Variants in LSAMP observed in about 807,000 individuals in gnomAD.
The protein encoded by LSAMP is limbic system associated membrane protein.
Under a neutral mutation model 38.6 loss-of-function variants are expected in LSAMP, and 7 were observed. The ratio of observed to expected loss-of-function variants is 0.18; its 90% CI spans 0.10 to 0.34. LSAMP has a LOEUF of 0.34. Ranked by LOEUF, LSAMP falls within the 10% of genes least tolerant of loss-of-function variation. The pLI is 1.00. For synonymous variants in LSAMP, 154 were observed against 166.8 expected, an observed-to-expected ratio of 0.92 and a Z score of 0.59; for missense variants, 313 against 420.0, an observed-to-expected ratio of 0.75 and a Z score of 2.23.
chr3:115,914,859 T>C (rs1164926161), intron 3 of LSAMP, among the ~76,000 whole-genome samples: 1 of 152,226 alleles, frequency 6.6e-6, no homozygotes, highest in Non-Finnish European at 1.5e-5. Context: ...TTCCTGACTT[T>C]TTAGGATTCT....
At chr3:116,308,366 T>C (rs576136630) in intron 1 of LSAMP, among the ~76,000 whole-genome samples, 19 of 152,110 alleles carry the variant, frequency 1.2e-4, no homozygotes, top group African/African-American at 4.3e-4. Flanking sequence ...TCCTCAAAAT[T>C]AGAGGGCATG....
intron 1 of LSAMP, among the ~76,000 whole-genome samples, chr3:116,202,928 C>A (rs1231833670): frequency 6.6e-6 from 1 of 152,168 alleles, no homozygotes; most frequent in Non-Finnish European, 1.5e-5. Flanking sequence ...GGAAAGGACA[C>A]ATAGAAATGT....
At chr3:116,137,971 A>T (rs987835486) in intron 1 of LSAMP, among the ~76,000 whole-genome samples, 4 of 152,184 alleles carry the variant, frequency 2.6e-5, no homozygotes, top group Non-Finnish European at 4.4e-5. Flanking sequence ...GAGCTAAGGA[A>T]AACAAAGCCT....
rs146427211 is a variant in LSAMP at position 115,973,389 on chromosome 3, A to G, written c.514+46126T>C. On this transcript the variant is annotated intron_variant, in intron 3 of 6. Transcript: ENST00000490035. ...TTTTTTCAGATTTTGGAATATTTGC[A>G]TATACATAATGAGATATCTTGGGGA... Among the ~76,000 whole-genome samples, 649 of 152,262 alleles carry G rather than the reference A, an allele frequency of 4.3e-3. 2 individuals carry two copies. The highest frequency in any genetic ancestry group is 0.015 in the African/African-American group (620 of 41,548).
chr3:115,946,358 C>T (rs1334563223), intron 3 of LSAMP, among the ~76,000 whole-genome samples: 4 of 152,046 alleles, frequency 2.6e-5, no homozygotes, highest in African/African-American at 9.7e-5. Context: ...GGAGTGTTAC[C>T]AAAGCAGCCA....
chr3:116,193,653 A>G (rs1418031093), intron 1 of LSAMP, among the ~76,000 whole-genome samples: 2 of 152,192 alleles, frequency 1.3e-5, no homozygotes, highest in Non-Finnish European at 2.9e-5. Context: ...TCATTTTGGT[A>G]TTGAAACAAG....
intron 3 of LSAMP, among the ~76,000 whole-genome samples, chr3:115,857,433 A>G (rs1397045346): frequency 6.6e-6 from 1 of 152,042 alleles, no homozygotes; most frequent in South Asian, 2.1e-4. Context: ...TGGACACAAA[A>G]CCTATGGTTT....
chr3:116,139,008 TATATA>T (rs1576387788), intron 1 of LSAMP, among the ~76,000 whole-genome samples: 1 of 151,688 alleles, frequency 6.6e-6, no homozygotes, highest in Non-Finnish European at 1.5e-5. Flanking sequence ...ATTATATACA[TATATA>T]ATATATAATG....
chr3:116,211,018 A>G (rs2046150072), intron 1 of LSAMP, among the ~76,000 whole-genome samples: 4 of 152,142 alleles, frequency 2.6e-5, no homozygotes, highest in Admixed American at 2.6e-4. Flanking sequence ...AAAAAAACAA[A>G]AACAAATCCT....
At chr3:116,430,074 T>A (rs920256180) in intron 1 of LSAMP, among the ~76,000 whole-genome samples, 1 of 152,180 alleles carries the variant, frequency 6.6e-6, no homozygotes, top group African/African-American at 2.4e-5. Flanking sequence ...ACCTGATTAA[T>A]CTTATGCATG....
intron 1 of LSAMP, among the ~76,000 whole-genome samples, chr3:116,346,575 C>T (rs1359796162): frequency 6.6e-6 from 1 of 152,036 alleles, no homozygotes; most frequent in Non-Finnish European, 1.5e-5. Context: ...GCAATCTGCC[C>T]GTCTTGGCCT....
In LSAMP at chr3:116,230,074, CAG is replaced by C. The variant is rs544946485; in HGVS notation, c.156-143520_156-143519del. 7.2e-4 allele frequency among the ~76,000 whole-genome samples: 109 copies of C among 152,236 alleles called. 1 individual carries two copies. The Middle Eastern group carries it at 0.01, about 14-fold the overall frequency. ...GAATAAGAAAGTGTTGAGGCAGAAA[CAG>C]GGGTCCACTTGTTTTATGAGCTGTC... is the stretch of plus-strand genomic sequence containing the variant. On this transcript the variant is annotated intron_variant, in intron 1 of 6. Transcript: ENST00000490035.
At chr3:116,316,308 G>A (rs958245638) in intron 1 of LSAMP, among the ~76,000 whole-genome samples, 1 of 152,074 alleles carries the variant, frequency 6.6e-6, no homozygotes, top group Admixed American at 6.5e-5. Flanking sequence ...TCTCTACAAG[G>A]CTCTGTTTGG....
chr3:116,281,664 A>T (rs796229695), intron 1 of LSAMP, among the ~76,000 whole-genome samples: 4 of 152,316 alleles, frequency 2.6e-5, no homozygotes, highest in African/African-American at 9.6e-5. Flanking sequence ...CACAAATACA[A>T]ATCTAAGAGC....
At chr3:115,925,291 G>C (rs1015493454) in intron 3 of LSAMP, among the ~76,000 whole-genome samples, 5 of 152,212 alleles carry the variant, frequency 3.3e-5, no homozygotes, top group Non-Finnish European at 7.3e-5. Context: ...CTACAAGCCA[G>C]GGTTCAGAAT....
At chr3:115,964,051 C>A (rs145093369) in intron 3 of LSAMP, among the ~76,000 whole-genome samples, 2 of 152,318 alleles carry the variant, frequency 1.3e-5, no homozygotes, top group African/African-American at 2.4e-5. Flanking sequence ...CATCACCCAG[C>A]CTTCTTTAGT....
At chr3:115,875,668 A>G (rs1423211407) in intron 3 of LSAMP, among the ~76,000 whole-genome samples, 1 of 152,068 alleles carries the variant, frequency 6.6e-6, no homozygotes, top group Non-Finnish European at 1.5e-5. Context: ...AAAGCTCGCT[A>G]GATTAGGGAA....
chr3:116,363,791 G>A lies in LSAMP; in HGVS notation c.155+81086C>T, dbSNP rs1244328368. Among the ~76,000 whole-genome samples the A allele has an allele frequency of 2.7e-5, 4 of 150,060 alleles. No homozygotes were observed. The East Asian group carries it at 5.9e-4, about 22-fold the overall frequency. ...GATTATCTCAATAGATGCAGAAAAG[G>A]CCTTTGAAAAAATTCAACAACCCTT... On this transcript the variant is annotated intron_variant, in intron 1 of 6. Transcript: ENST00000490035.
chr3:116,259,072 C>T (rs2046792611), intron 1 of LSAMP, among the ~76,000 whole-genome samples: 1 of 152,078 alleles, frequency 6.6e-6, no homozygotes, highest in African/African-American at 2.4e-5. Flanking sequence ...CATTTCAGTT[C>T]ATGAGTGGTG....
Sources: allele counts gnomAD v4.1 joint callset (sites outside exome capture counted in the v4.1 genomes callset), GRCh38; gene constraint gnomAD v4.1.1; transcripts MANE v1.5; gene names NCBI Gene and HGNC (gene_info 2026-07-23, HGNC 2026-07-21).